The following ST6GALNAC5 variants were observed in gnomAD, a reference collection of about 807,000 sequenced individuals.
ST6GALNAC5 encodes ST6 N-acetylgalactosaminide alpha-2,6-sialyltransferase 5, also known as alpha-N-acetylgalactosaminide alpha-2,6-sialyltransferase 5.
In ST6GALNAC5, 27 loss-of-function variants were observed where a neutral mutation model predicts 33.6. That is an observed-to-expected ratio of 0.80 (90% CI 0.59 to 1.11). The LOEUF (loss-of-function observed/expected upper bound fraction) is 1.11, where lower values mean the gene tolerates loss of function less well. Among genes scored for constraint, ST6GALNAC5 ranks in the 50% least tolerant of loss-of-function variants. ST6GALNAC5 has a pLI of 0.00. For missense variants in ST6GALNAC5, 428 were observed against 454.0 expected, an observed-to-expected ratio of 0.94 and a Z score of 0.52; for synonymous variants, 194 against 171.2, an observed-to-expected ratio of 1.13 and a Z score of -1.04.
Position 76,874,046 on chromosome 1 carries a change from G to C in ST6GALNAC5, c.261+5304G>C, listed in dbSNP as rs554303966. Reference sequence around the variant, plus strand: ...TCAGGAAGCAATAAATCAAGGCACTGACTCTAAAAAGGAGATAATTTCTGT... The same window carrying C: ...TCAGGAAGCAATAAATCAAGGCACTCACTCTAAAAAGGAGATAATTTCTGT... On this transcript the variant is annotated intron_variant, in intron 2 of 4. Coordinates refer to ENST00000477717, the MANE Select transcript of ST6GALNAC5 (RefSeq NM_030965.3). Among the ~76,000 whole-genome samples the C allele has an allele frequency of 2.3e-3, 345 of 152,286 alleles. 6 individuals carry two copies. The highest frequency in any genetic ancestry group is 7.9e-3 in the African/African-American group (329 of 41,552).
chr1:76,957,738 A>G (rs1648065264), intron 2 of ST6GALNAC5, among the ~76,000 whole-genome samples: 4 of 152,060 alleles, frequency 2.6e-5, no homozygotes, highest in Admixed American at 1.3e-4. Flanking sequence ...CATAACCACA[A>G]TACTACTATT....
At position 76,964,431 on chromosome 1, in the gene ST6GALNAC5, C is replaced by A. The variant is rs555940322; in HGVS notation, c.262-79773C>A. On this transcript the variant is annotated intron_variant, in intron 2 of 4. Transcript: ENST00000477717. ...TGAAACCCAGAATTCTAAATGGCCC[C>A]TTTTCAACCTCTTATCACACTACTT... Among the ~76,000 whole-genome samples, 13 of 152,184 alleles carry A rather than the reference C, an allele frequency of 8.5e-5. No individual in the cohort carries two copies. The East Asian group carries it at 2.3e-3, about 27-fold the overall frequency.
chr1:77,053,173 T>C (rs1423126827), intron 4 of ST6GALNAC5, among the ~76,000 whole-genome samples: 1 of 152,162 alleles, frequency 6.6e-6, no homozygotes, highest in African/African-American at 2.4e-5. Context: ...ATTTGACCAT[T>C]CCCTCTTTTA....
chr1:76,917,657 T>A (rs1047808770), intron 2 of ST6GALNAC5, among the ~76,000 whole-genome samples: 2 of 151,290 alleles, frequency 1.3e-5, no homozygotes, highest in Non-Finnish European at 2.9e-5. Context: ...TATATAAAAA[T>A]ATATATTTAT....
At chr1:77,025,918 A>C (rs1267901273) in intron 2 of ST6GALNAC5, among the ~76,000 whole-genome samples, 1 of 152,176 alleles carries the variant, frequency 6.6e-6, no homozygotes, top group Non-Finnish European at 1.5e-5. Flanking sequence ...TCTATCACAA[A>C]GCTCACATAC....
At chr1:76,979,485 C>T (rs1185543474) in intron 2 of ST6GALNAC5, among the ~76,000 whole-genome samples, 1 of 152,146 alleles carries the variant, frequency 6.6e-6, no homozygotes, top group Non-Finnish European at 1.5e-5. Context: ...GCATTTACAA[C>T]CAATTGATTT....
At position 76,874,399 on chromosome 1, in the gene ST6GALNAC5, G is replaced by A. The variant is rs182911396; in HGVS notation, c.261+5657G>A. ...TCTCATAATTCATTGTACTAGTCAG[G>A]GTTCTGTAAAGAGATAAAGCTAATA... On this transcript the variant is annotated intron_variant, in intron 2 of 4. Transcript: ENST00000477717. Among the ~76,000 whole-genome samples the A allele has an allele frequency of 4.6e-3, 696 of 152,094 alleles. 3 individuals carry two copies. Among genetic ancestry groups the A allele is most frequent in the South Asian group, 1.0e-2 (48 of 4,818 alleles).
chr1:76,875,849 C>A (rs987807879), intron 2 of ST6GALNAC5, among the ~76,000 whole-genome samples: 1 of 151,992 alleles, frequency 6.6e-6, no homozygotes, highest in Admixed American at 6.5e-5. Context: ...GTACTGTCAC[C>A]TAGTTGGCAT....
At chr1:76,999,780 G>C (rs1183397256) in intron 2 of ST6GALNAC5, among the ~76,000 whole-genome samples, 1 of 145,066 alleles carries the variant, frequency 6.9e-6, no homozygotes, top group Non-Finnish European at 1.5e-5. Context: ...TGAGAATGAT[G>C]ATTTCCAATT....
chr1:76,952,790 T>G (rs1180713654), intron 2 of ST6GALNAC5, among the ~76,000 whole-genome samples: 1 of 152,080 alleles, frequency 6.6e-6, no homozygotes, highest in Non-Finnish European at 1.5e-5. Context: ...TTTGCACTTG[T>G]GCACCCCCTC....
At chr1:76,892,344 T>A (rs1192973719) in intron 2 of ST6GALNAC5, among the ~76,000 whole-genome samples, 3 of 152,226 alleles carry the variant, frequency 2.0e-5, no homozygotes, top group Non-Finnish European at 4.4e-5. Context: ...TTAAGATAGA[T>A]CTTAAACAGA....
intron 3 of ST6GALNAC5, among the ~76,000 whole-genome samples, chr1:77,049,845 A>G (rs1652161514): frequency 1.3e-5 from 2 of 152,222 alleles, no homozygotes; most frequent in Non-Finnish European, 1.5e-5. Flanking sequence ...TTTATATTTA[A>G]TAAGCTACTC....
chr1:77,015,042 C>A (rs1034170591), intron 2 of ST6GALNAC5, among the ~76,000 whole-genome samples: 1 of 127,732 alleles, frequency 7.8e-6, no homozygotes, highest in Non-Finnish European at 1.6e-5. Context: ...ATAGGACACT[C>A]GCACACAAAC....
intron 2 of ST6GALNAC5, among the ~76,000 whole-genome samples, chr1:76,925,792 ACT>A (rs1004696534): frequency 3.9e-5 from 6 of 152,040 alleles, no homozygotes; most frequent in Non-Finnish European, 5.9e-5. Context: ...CTTTTCAAAG[ACT>A]CTGTTTTGCA....
At position 77,063,982 on chromosome 1, in the gene ST6GALNAC5, A is replaced by G. The variant is rs186692673; in HGVS notation, c.*776A>G. On this transcript the variant is annotated 3_prime_UTR_variant, in exon 5 of 5. Transcript: ENST00000477717. ...AAAAGAATAGCGATGACATTTTCTA[A>G]TGTGCAGAAATGTTCCAAAAGGACA... 4 of 152,750 alleles carry G rather than the reference A, an allele frequency of 2.6e-5. No individual in the cohort carries two copies. In the South Asian group the frequency reaches 6.2e-4, roughly 24 times the overall value. The allele number at this position is 152,750 out of a possible 1,614,324, so 9.5% of individuals were successfully genotyped here.
chr1:76,994,599 A>T (rs1382956709), intron 2 of ST6GALNAC5, among the ~76,000 whole-genome samples: 3 of 152,218 alleles, frequency 2.0e-5, no homozygotes, highest in South Asian at 2.1e-4. Context: ...TAAAACCTCA[A>T]TTTTGGATAA....
intron 4 of ST6GALNAC5, among the ~76,000 whole-genome samples, chr1:77,056,092 T>C (rs888897340): frequency 2.0e-5 from 3 of 152,182 alleles, no homozygotes; most frequent in Non-Finnish European, 2.9e-5. Context: ...CCATCCTGCC[T>C]GTATCACCAG....
At chr1:77,014,383 A>C (rs1026332491) in intron 2 of ST6GALNAC5, among the ~76,000 whole-genome samples, 1 of 152,204 alleles carries the variant, frequency 6.6e-6, no homozygotes, top group African/African-American at 2.4e-5. Flanking sequence ...GGTGATTTAC[A>C]GACAATTAGC....
chr1:77,022,775 G>C (rs186461247), intron 2 of ST6GALNAC5, among the ~76,000 whole-genome samples: 2 of 152,266 alleles, frequency 1.3e-5, no homozygotes, highest in East Asian at 3.9e-4. Context: ...CTCTGAAAAT[G>C]GGATACTTTT....
Sources: allele counts gnomAD v4.1 joint callset (sites outside exome capture counted in the v4.1 genomes callset), GRCh38; gene constraint gnomAD v4.1.1; transcripts MANE v1.5; gene names NCBI Gene and HGNC (gene_info 2026-07-23, HGNC 2026-07-21).